The following ARHGAP20 variants were observed in gnomAD, a reference collection of about 807,000 sequenced individuals.
The protein encoded by ARHGAP20 is Rho GTPase activating protein 20, also known as rho GTPase-activating protein 20.
A neutral mutation model predicts 73.7 loss-of-function variants in ARHGAP20; 34 were observed. The ratio of observed to expected loss-of-function variants is 0.46; its 90% confidence interval spans 0.35 to 0.61. The LOEUF (loss-of-function observed/expected upper bound fraction) is 0.61. Among genes scored for constraint, ARHGAP20 ranks in the 20% least tolerant of loss-of-function variants. The pLI is 0.00. For synonymous variants in ARHGAP20, 523 were observed against 518.2 expected (o/e 1.01, Z -0.13); for missense variants, 1,314 against 1,420.9 (o/e 0.92, Z 1.21).
intron 9 of ARHGAP20, among the ~76,000 whole-genome samples, chr11:110,594,551 T>C (rs1183377143): frequency 1.3e-5 from 2 of 152,144 alleles, no homozygotes; most frequent in African/African-American, 4.8e-5. Flanking sequence ...CAGGTATCCA[T>C]ATATGAAGGA....
At chr11:110,625,688 C>T (rs140093085) in intron 3 of ARHGAP20, among the ~76,000 whole-genome samples, 48 of 149,486 alleles carry the variant, frequency 3.2e-4, no homozygotes, top group South Asian at 8.7e-4. Flanking sequence ...TCCCTGTAGA[C>T]TCCTGATATG....
In ARHGAP20 at chr11:110,586,242, A is replaced by C; in HGVS notation, c.1389T>G (p.Asp463Glu). Residue 463 changes from aspartate to glutamate, a missense_variant, in exon 12 of 15, where the codon GAT (aspartate) becomes GAG (glutamate). This residue lies in a region of ARHGAP20 where 230 missense variants were observed against 317.6 expected (regional missense o/e 0.72). Transcript: ENST00000683387. The part of the protein sequence containing the change: ...HWVSVMDQGN[D>E]EEKINTVQRL... ...TTTGAACAGTATTTATTTTCTCTTC[A>C]TCATTTCCTTGATCCATTACAGAGA... 1 of 1,551,084 alleles carries C rather than the reference A, an allele frequency of 6.4e-7. No homozygotes were observed. Among genetic ancestry groups the C allele is most frequent in the Non-Finnish European group, 8.7e-7 (1 of 1,147,730 alleles).
intron 9 of ARHGAP20, among the ~76,000 whole-genome samples, chr11:110,601,779 T>C (rs1433686407): frequency 6.6e-6 from 1 of 151,268 alleles, no homozygotes; most frequent in African/African-American, 2.4e-5. Flanking sequence ...AGGTCAGGAG[T>C]TCAAGACCAG....
At chr11:110,700,869 T>C (rs1218804351) in intron 1 of ARHGAP20, among the ~76,000 whole-genome samples, 1 of 151,716 alleles carries the variant, frequency 6.6e-6, no homozygotes, top group South Asian at 2.1e-4. Context: ...AACAGTTTAC[T>C]GAGAATGATG....
chr11:110,648,151 T>TA (rs1370867057), intron 2 of ARHGAP20, among the ~76,000 whole-genome samples: 1 of 121,696 alleles, frequency 8.2e-6, no homozygotes, highest in Non-Finnish European at 1.7e-5. Context: ...CAGTGATATA[T>TA]ATAATATATA....
At chr11:110,645,134 C>T (rs951513793) in intron 2 of ARHGAP20, among the ~76,000 whole-genome samples, 3 of 151,956 alleles carry the variant, frequency 2.0e-5, no homozygotes, top group Non-Finnish European at 1.5e-5. Context: ...CTTAGCCTCC[C>T]GGGTAGCTGG....
chr11:110,675,136 C>A (rs1177980646), intron 2 of ARHGAP20, among the ~76,000 whole-genome samples: 1 of 152,168 alleles, frequency 6.6e-6, no homozygotes, highest in Non-Finnish European at 1.5e-5. Context: ...GTTCAACTGT[C>A]TTCTAAATGG....
chr11:110,583,789 T>A, intron 12 of ARHGAP20, 52 bp from the exon 13 acceptor site: 1 of 1,409,960 alleles, frequency 7.1e-7, no homozygotes, highest in Admixed American at 2.6e-5. Flanking sequence ...CAAAAACTTG[T>A]AAAGACAAGC....
chr11:110,579,687 G>A lies in ARHGAP20; in HGVS notation c.3259C>T (p.Gln1087Ter), dbSNP rs1457055704. The A allele has an allele frequency of 6.2e-7, 1 of 1,614,194 alleles. No homozygotes were observed. The highest frequency in any genetic ancestry group is 2.2e-5 in the East Asian group (1 of 44,884). The stretch of plus-strand genomic sequence containing the variant: ...AAGGGCAAGTCTTTTTGTTCCTCTT[G>A]CAGTGAGTTGGCTTCTGGAACACCA... ...ASGVPEANSLQEEQKDLPLRA... is the reference protein window; with the variant it reads ...ASGVPEANSL The change falls in exon 15 of 15, where the codon CAA becomes TAA. Residue 1087 changes from glutamine to a stop codon, truncating the protein, a stop_gained. Coordinates refer to ENST00000683387, the MANE Select transcript of ARHGAP20 (RefSeq NM_001384657.1). LOFTEE classifies it low-confidence loss of function (END_TRUNC).
At chr11:110,712,060 G>C in intron 1 of ARHGAP20, 67 bp downstream of exon 1, 2 of 1,248,248 alleles carry the variant, frequency 1.6e-6, no homozygotes, top group Non-Finnish European at 2.0e-6. Context: ...TGGCGGGCGC[G>C]GAGGGCGCGC....
At chr11:110,709,387 A>G (rs1385078984) in intron 1 of ARHGAP20, among the ~76,000 whole-genome samples, 1 of 152,226 alleles carries the variant, frequency 6.6e-6, no homozygotes, top group Non-Finnish European at 1.5e-5. Flanking sequence ...AGCCCTAAGC[A>G]ATACAGATAA....
At chr11:110,674,641 T>C (rs1401525881) in intron 2 of ARHGAP20, among the ~76,000 whole-genome samples, 1 of 152,240 alleles carries the variant, frequency 6.6e-6, no homozygotes, top group East Asian at 1.9e-4. Flanking sequence ...TATATATATA[T>C]ATGCAAATAT....
chr11:110,702,873 C>G (rs571772337), intron 1 of ARHGAP20, among the ~76,000 whole-genome samples: 1 of 152,052 alleles, frequency 6.6e-6, no homozygotes, highest in Non-Finnish European at 1.5e-5. Flanking sequence ...CACTGCTCAA[C>G]GAAATAAAAG....
chr11:110,711,802 C>G (rs906139301), intron 1 of ARHGAP20: 1 of 1,343,756 alleles, frequency 7.4e-7, no homozygotes, highest in African/African-American at 1.5e-5. Context: ...GGCGATCGCC[C>G]ACTACAGCCC....
At chr11:110,711,594 C>G in intron 1 of ARHGAP20, 1 of 1,479,356 alleles carries the variant, frequency 6.8e-7, no homozygotes, top group Non-Finnish European at 8.9e-7. Flanking sequence ...TGCTATGGAG[C>G]AGCCGCGCCT....
rs182640224 is a variant in ARHGAP20, at chr11:110,610,051, A to T, written c.709-1001T>A. On this transcript the variant is annotated intron_variant, in intron 7 of 14. Coordinates refer to ENST00000683387, the MANE Select transcript of ARHGAP20 (RefSeq NM_001384657.1). ...TTGGTCTGAGGAGATTAATAATTTT[A>T]TCCAAAGGAAAAGCATAGATAAAAG... Among the ~76,000 whole-genome samples the T allele has an allele frequency of 3.9e-3, 596 of 152,250 alleles. 9 individuals are homozygous for T. The highest frequency in any genetic ancestry group is 0.013 in the African/African-American group (526 of 41,570).
intron 3 of ARHGAP20, among the ~76,000 whole-genome samples, chr11:110,630,289 A>G (rs1948832151): frequency 6.6e-6 from 1 of 152,152 alleles, no homozygotes; most frequent in Non-Finnish European, 1.5e-5. Flanking sequence ...TCTTCATAGT[A>G]CTAATCACAA....
intron 2 of ARHGAP20, among the ~76,000 whole-genome samples, chr11:110,669,586 G>C (rs1336237473): frequency 6.6e-6 from 1 of 151,724 alleles, no homozygotes; most frequent in Non-Finnish European, 1.5e-5. Flanking sequence ...AGTTATCAGG[G>C]GAACACAAAT....
chr11:110,642,100 T>C (rs1231314580), intron 2 of ARHGAP20, among the ~76,000 whole-genome samples: 2 of 152,212 alleles, frequency 1.3e-5, no homozygotes, highest in Admixed American at 6.6e-5. Flanking sequence ...AATAATTCTA[T>C]GTATAATTTC....
Sources: allele counts gnomAD v4.1 joint callset (sites outside exome capture counted in the v4.1 genomes callset), GRCh38; gene constraint gnomAD v4.1.1; regional missense constraint gnomAD v4.1.1; transcripts MANE v1.5; gene names NCBI Gene and HGNC (gene_info 2026-07-23, HGNC 2026-07-21).